Variants in RAPGEF5 observed in about 807,000 individuals in gnomAD.
The protein encoded by RAPGEF5 is Rap guanine nucleotide exchange factor 5, also known as M-Ras-regulated GEF.
In RAPGEF5, 65 loss-of-function variants were observed where a neutral mutation model predicts 125.2. The observed-to-expected ratio is 0.52, with a 90% CI of 0.43 to 0.64. The LOEUF is 0.64. RAPGEF5 is among the 30% of genes least tolerant of loss of function. The pLI, the probability that RAPGEF5 is intolerant of heterozygous loss-of-function variation, is 0.00. For missense variants in RAPGEF5, 958 were observed against 1,048.1 expected (o/e 0.91, Z 1.19); for synonymous variants, 391 against 385.9 (o/e 1.01, Z -0.16).
intron 12 of RAPGEF5, among the ~76,000 whole-genome samples, chr7:22,163,793 C>T (rs1353535324): frequency 6.6e-6 from 1 of 152,166 alleles, no homozygotes; most frequent in African/African-American, 2.4e-5. Flanking sequence ...GCTATGACAT[C>T]AAACACTTGA....
chr7:22,297,627 C>T (rs112331380), intron 5 of RAPGEF5, among the ~76,000 whole-genome samples: 5 of 152,204 alleles, frequency 3.3e-5, no homozygotes, highest in Admixed American at 1.3e-4. Context: ...CAGAACAAGA[C>T]GCTAGATGGC....
In RAPGEF5 at chr7:22,314,249, A is replaced by G. The variant is rs187322392; in HGVS notation, c.389+1121T>C. 2.6e-3 allele frequency among the ~76,000 whole-genome samples: 400 copies of G among 152,336 alleles called. 4 individuals are homozygous for G. The highest frequency in any genetic ancestry group is 0.01 in the Admixed American group (154 of 15,302). On this transcript the variant is annotated intron_variant, in intron 3 of 25. Transcript: ENST00000665637. ...GAATGGTTACTGGCTGAAGAGAAGC[A>G]GGAAGGAACCTTCTGAGGTATGAAA... is the stretch of plus-strand genomic sequence containing the variant.
chr7:22,301,956 C>T (rs1032881460), intron 5 of RAPGEF5, among the ~76,000 whole-genome samples: 6 of 152,254 alleles, frequency 3.9e-5, no homozygotes, highest in South Asian at 4.1e-4. Flanking sequence ...GAGCTCAACC[C>T]CTGTTAGTCG....
At chr7:22,180,324 T>C (rs1784635634) in intron 11 of RAPGEF5, among the ~76,000 whole-genome samples, 1 of 152,134 alleles carries the variant, frequency 6.6e-6, no homozygotes, top group South Asian at 2.1e-4. Context: ...AACAAAACAA[T>C]ATACAATATA....
chr7:22,239,018 T>C (rs553350357), intron 7 of RAPGEF5, among the ~76,000 whole-genome samples: 1 of 152,330 alleles, frequency 6.6e-6, no homozygotes, highest in African/African-American at 2.4e-5. Flanking sequence ...AGTATAAGCA[T>C]GAACTGACTT....
At chr7:22,317,210 C>T (rs1304622527) in intron 2 of RAPGEF5, among the ~76,000 whole-genome samples, 1 of 150,134 alleles carries the variant, frequency 6.7e-6, no homozygotes, top group East Asian at 1.9e-4. Context: ...CTCACAGTCT[C>T]CTGTTAGCCT....
intron 6 of RAPGEF5, among the ~76,000 whole-genome samples, chr7:22,269,090 C>A (rs189110824): frequency 6.6e-6 from 1 of 151,216 alleles, no homozygotes; most frequent in Non-Finnish European, 1.5e-5. Context: ...ATCAACTGAA[C>A]CTCTGCCATG....
chr7:22,249,254 C>T (rs1033677755), intron 7 of RAPGEF5, among the ~76,000 whole-genome samples: 7 of 152,234 alleles, frequency 4.6e-5, no homozygotes, highest in South Asian at 2.1e-4. Flanking sequence ...TGCAGTGGTG[C>T]GATCTTGGCT....
intron 5 of RAPGEF5, among the ~76,000 whole-genome samples, chr7:22,299,581 T>C (rs1297511045): frequency 1.3e-5 from 2 of 152,172 alleles, no homozygotes; most frequent in East Asian, 1.9e-4. Context: ...TTATGTAGCT[T>C]TTCCTTTATT....
At chr7:22,191,414 A>C (rs1784993104) in intron 11 of RAPGEF5, 1 of 357,734 alleles carries the variant, frequency 2.8e-6, no homozygotes, top group Admixed American at 3.6e-5. Context: ...CTTTGGTGAA[A>C]GTTGTTACCA....
chr7:22,236,341 T>A (rs1786188128), intron 7 of RAPGEF5, among the ~76,000 whole-genome samples: 1 of 152,152 alleles, frequency 6.6e-6, no homozygotes. Context: ...ACATTTCCAG[T>A]CACGAGTTGA....
chr7:22,267,210 T>C (rs748204175), intron 6 of RAPGEF5, among the ~76,000 whole-genome samples, 198 bp from the exon 7 acceptor site: 3 of 152,184 alleles, frequency 2.0e-5, no homozygotes, highest in African/African-American at 4.8e-5. Flanking sequence ...AGAAGAATCA[T>C]ATTGAATTAC....
intron 4 of RAPGEF5, among the ~76,000 whole-genome samples, chr7:22,309,032 G>A (rs1404057507): frequency 6.6e-6 from 1 of 152,112 alleles, no homozygotes. Context: ...ACCCTACAAT[G>A]TACGGGACAG....
intron 16 of RAPGEF5, among the ~76,000 whole-genome samples, chr7:22,155,495 G>A (rs1583422185): frequency 2.0e-5 from 3 of 152,190 alleles, no homozygotes; most frequent in African/African-American, 7.2e-5. Context: ...CAAAAAAATT[G>A]AGAGTGAAGC....
At chr7:22,232,959 G>C (rs549239005) in intron 7 of RAPGEF5, among the ~76,000 whole-genome samples, 12 of 152,194 alleles carry the variant, frequency 7.9e-5, no homozygotes, top group Non-Finnish European at 1.8e-4. Flanking sequence ...GTAGGAAGAG[G>C]TGAAGAGGGT....
intron 7 of RAPGEF5, among the ~76,000 whole-genome samples, chr7:22,254,462 G>T (rs1313319519): frequency 6.6e-6 from 1 of 151,692 alleles, no homozygotes; most frequent in Non-Finnish European, 1.5e-5. Context: ...AAAAAAATTA[G>T]CCAGGTGTGG....
chr7:22,300,596 G>A (rs1783173959), intron 5 of RAPGEF5, among the ~76,000 whole-genome samples: 1 of 152,072 alleles, frequency 6.6e-6, no homozygotes. Context: ...ATGGTACCTT[G>A]GGTCTGTCCC....
chr7:22,328,569 G>A (rs371563479), intron 1 of RAPGEF5, among the ~76,000 whole-genome samples: 8 of 152,280 alleles, frequency 5.3e-5, no homozygotes, highest in Non-Finnish European at 7.3e-5. Context: ...GACACTAAAC[G>A]TATACTATAC....
intron 1 of RAPGEF5, among the ~76,000 whole-genome samples, chr7:22,322,706 T>C (rs1394953612): frequency 6.6e-6 from 1 of 152,144 alleles, no homozygotes; most frequent in East Asian, 1.9e-4. Flanking sequence ...CCAGCAGTTC[T>C]CAACCCTCGA....
Sources: allele counts gnomAD v4.1 joint callset (sites outside exome capture counted in the v4.1 genomes callset), GRCh38; gene constraint gnomAD v4.1.1; transcripts MANE v1.5; gene names NCBI Gene and HGNC (gene_info 2026-07-23, HGNC 2026-07-21).